RELL1: variants seen among roughly 807,000 people sequenced by gnomAD.
RELL1 encodes the protein RELT-like protein 1.
A neutral mutation model predicts 23.0 loss-of-function variants in RELL1; 10 were observed. The ratio of observed to expected loss-of-function variants is 0.43; its 90% CI spans 0.27 to 0.74. The LOEUF is 0.74. RELL1 is among the 30% of genes least tolerant of loss of function. The probability of loss-of-function intolerance (pLI) is 0.19; values close to 1 mark genes in which losing one functional copy is unlikely to be tolerated. For synonymous variants in RELL1, 146 were observed against 146.8 expected, an observed-to-expected ratio of 0.99 and a Z score of 0.04; for missense variants, 315 against 364.4, an observed-to-expected ratio of 0.86 and a Z score of 1.10.
chr4:37,669,091 C>G (rs1721669428), intron 1 of RELL1, among the ~76,000 whole-genome samples: 1 of 130,320 alleles, frequency 7.7e-6, no homozygotes, highest in Admixed American at 7.3e-5. Flanking sequence ...GCCGCCCCGT[C>G]TGGGAGGTGA....
At chr4:37,642,434 G>T (rs73807876) in intron 3 of RELL1, among the ~76,000 whole-genome samples, 1 of 152,218 alleles carries the variant, frequency 6.6e-6, no homozygotes, top group Non-Finnish European at 1.5e-5. Context: ...ACACGATTCA[G>T]TTCGGCTCTA....
At chr4:37,630,519 T>C (rs1004450694) in intron 6 of RELL1, among the ~76,000 whole-genome samples, 2 of 151,586 alleles carry the variant, frequency 1.3e-5, no homozygotes, top group Non-Finnish European at 1.5e-5. Context: ...TGCCCACCAC[T>C]ACGCCCGGCT....
In RELL1 at chr4:37,604,606, T is replaced by C. The variant is rs139965818; in HGVS notation, c.*4-13389A>G. 2.5e-4 allele frequency among the ~76,000 whole-genome samples: 38 copies of C among 151,830 alleles called. No homozygotes were observed. The East Asian group carries it at 7.2e-3, about 29-fold the overall frequency. ...TACATTTTAAAAATCTCAACCAGGA[T>C]ATGAAGGAGAGATGGAATGCAGATG... On this transcript the variant is annotated intron_variant, in intron 6 of 6. Coordinates refer to the RELL1 transcript ENST00000314117.
intron 6 of RELL1, among the ~76,000 whole-genome samples, chr4:37,625,799 A>C (rs181979420): frequency 1.3e-5 from 2 of 152,350 alleles, no homozygotes; most frequent in African/African-American, 4.8e-5. Flanking sequence ...GATGTAATAC[A>C]TATGTCAATC....
rs1577564039 is a variant in RELL1, at chr4:37,612,969, C to A, written c.*377G>T. The A allele has an allele frequency of 6.6e-6, 1 of 152,166 alleles. No individual in the cohort carries two copies. The highest frequency in any genetic ancestry group is 1.5e-5 in the Non-Finnish European group (1 of 68,052). 9.4% of individuals were successfully genotyped at this position (152,166 alleles called of 1,614,324 possible). On this transcript the variant is annotated 3_prime_UTR_variant, in exon 7 of 7. Coordinates refer to ENST00000454158, the MANE Select transcript of RELL1 (RefSeq NM_001085400.2). Reference sequence around the variant, plus strand: ...ACATGCATACACATATACACACACACCCCTGAGCATAAGCTCAGACTGTAC... The same window carrying A: ...ACATGCATACACATATACACACACAACCCTGAGCATAAGCTCAGACTGTAC...
At chr4:37,660,864 T>C (rs1721320801) in intron 1 of RELL1, among the ~76,000 whole-genome samples, 1 of 152,052 alleles carries the variant, frequency 6.6e-6, no homozygotes, top group Admixed American at 6.5e-5. Flanking sequence ...ACCCCGTCTC[T>C]ACTAAAAATA....
rs75704224 is a variant in RELL1, at chr4:37,652,382, A to G, written c.89-2882T>C. Among the ~76,000 whole-genome samples, 59 of 152,374 alleles carry G rather than the reference A, an allele frequency of 3.9e-4. 2 individuals carry two copies. In the East Asian group the frequency reaches 0.011, roughly 29 times the overall value. On this transcript the variant is annotated intron_variant, in intron 1 of 6. Coordinates refer to ENST00000454158, the MANE Select transcript of RELL1 (RefSeq NM_001085400.2). ...ATACATCCCTAAATATATGCAATAT[A>G]CCGTCTAAGTTAGGGTTTAACCTCA...
chr4:37,611,309 G>A lies in RELL1; in HGVS notation c.*2037C>T, dbSNP rs976516768. Among the ~76,000 whole-genome samples the A allele has an allele frequency of 6.6e-6, 1 of 152,146 alleles. No individual in the cohort carries two copies. Among genetic ancestry groups the A allele is most frequent in the Middle Eastern group, 3.4e-3 (1 of 294 alleles). Reference sequence around the variant, plus strand: ...TAAAAGTCCTATATTGCTACTTTCTGGATCTCAGTGAAATTTATTTCCATA... The same window carrying A: ...TAAAAGTCCTATATTGCTACTTTCTAGATCTCAGTGAAATTTATTTCCATA... On this transcript the variant is annotated 3_prime_UTR_variant, in exon 7 of 7. Transcript: ENST00000454158.
downstream of RELL1, chr4:37,588,831 C>T (rs191336554): frequency 6.3e-5 from 101 of 1,593,172 alleles, no homozygotes; most frequent in Admixed American, 6.5e-4. Context: ...CTACCTTTTA[C>T]GCTTTCTTTT....
chr4:37,601,802 G>C (rs1012048937), intron 6 of RELL1, among the ~76,000 whole-genome samples: 1 of 152,130 alleles, frequency 6.6e-6, no homozygotes, highest in African/African-American at 2.4e-5. Flanking sequence ...CTTTTTGTTG[G>C]TTTGGTTGGT....
At chr4:37,604,840 G>GACACACACATACACAC (rs140152997) in intron 6 of RELL1, among the ~76,000 whole-genome samples, 6 of 37,846 alleles carry the variant, frequency 1.6e-4, no homozygotes, top group Non-Finnish European at 2.5e-4. Context: ...CATACACACA[G>GACACACACATACACAC]ACACACACAC....
chr4:37,626,949 T>TAACTGCA, intron 6 of RELL1, among the ~76,000 whole-genome samples: 1 of 152,294 alleles, frequency 6.6e-6, no homozygotes, highest in South Asian at 2.1e-4. Context: ...AGAGATCTAT[T>TAACTGCA]GTACAACATG....
chr4:37,588,710 C>T (rs549667227), downstream of RELL1: 19 of 626,910 alleles, frequency 3.0e-5, no homozygotes, highest in African/African-American at 2.7e-4. Flanking sequence ...CTCTGACCCA[C>T]GTGGTAGTTA....
chr4:37,640,186 C>G (rs1168336030), intron 3 of RELL1, among the ~76,000 whole-genome samples: 1 of 152,136 alleles, frequency 6.6e-6, no homozygotes, highest in East Asian at 1.9e-4. Context: ...TAATACAACA[C>G]TTAATCTTTT....
At chr4:37,636,738 G>T (rs549981971) in intron 4 of RELL1, among the ~76,000 whole-genome samples, 1 of 152,308 alleles carries the variant, frequency 6.6e-6, no homozygotes, top group South Asian at 2.1e-4. Context: ...TCTGGTGCAG[G>T]TGGGAGTACT....
In RELL1 at chr4:37,647,411, A is replaced by G. The variant is rs761721097; in HGVS notation, c.342T>C (p.Ser114=). The G allele has an allele frequency of 2.5e-6, 4 of 1,613,314 alleles. No individual in the cohort carries two copies. Among genetic ancestry groups the G allele is most frequent in the Non-Finnish European group, 3.4e-6 (4 of 1,179,292 alleles). ...IELNDSVNEN[S]DTVGQIVHYI... Reference sequence around the variant, plus strand: ...AGTGGACGATTTGCCCAACAGTGTCACTGTTTTCATTCACACTGTCATTCA... The same window carrying G: ...AGTGGACGATTTGCCCAACAGTGTCGCTGTTTTCATTCACACTGTCATTCA... Residue 114 remains serine, a synonymous_variant, in exon 3 of 7, where the codon AGT becomes AGC. Transcript: ENST00000454158.
intron 6 of RELL1, among the ~76,000 whole-genome samples, chr4:37,628,461 G>A (rs1486153878): frequency 6.6e-6 from 1 of 151,988 alleles, no homozygotes; most frequent in Non-Finnish European, 1.5e-5. Flanking sequence ...AAAACTGTAG[G>A]TATTATAATT....
chr4:37,622,924 C>A lies in RELL1; in HGVS notation c.*3+8461G>T, dbSNP rs545963593. 630 of 425,032 alleles carry A rather than the reference C, an allele frequency of 1.5e-3. 1 individual carries two copies. Among genetic ancestry groups the A allele is most frequent in the Non-Finnish European group, 2.4e-3 (515 of 216,298 alleles). 26.3% of individuals were successfully genotyped at this position (425,032 alleles called of 1,614,324 possible). ...GGTTCAACTGACTCTCCTGCCTCAG[C>A]CTCCCGAGTAGCTGGGACTACAGGT... is the stretch of plus-strand genomic sequence containing the variant. On this transcript the variant is annotated intron_variant, in intron 6 of 6. Coordinates refer to ENST00000454158, the MANE Select transcript of RELL1 (RefSeq NM_001085400.2).
intron 3 of RELL1, among the ~76,000 whole-genome samples, chr4:37,644,155 T>A (rs541051225): frequency 6.6e-6 from 1 of 151,668 alleles, no homozygotes; most frequent in East Asian, 1.9e-4. Flanking sequence ...AAGGCTACTT[T>A]CCAAAAGGAA....
Sources: gnomAD v4.1 joint callset for allele counts (sites outside exome capture counted in the v4.1 genomes callset) on GRCh38, gnomAD v4.1.1 for gene constraint, MANE v1.5 for transcripts, NCBI Gene and HGNC (gene_info 2026-07-23, HGNC 2026-07-21) for gene names.